Variants in TRPM3 observed in about 807,000 individuals in gnomAD.
TRPM3 encodes long transient receptor potential channel 3.
In TRPM3, 77 loss-of-function variants were observed where a neutral mutation model predicts 181.2. The observed-to-expected ratio is 0.42, with a 90% CI of 0.35 to 0.51. TRPM3 has a LOEUF of 0.51. Among genes scored for constraint, TRPM3 ranks in the 20% least tolerant of loss-of-function variants. TRPM3 has a pLI of 0.01. For missense variants in TRPM3, 1,759 were observed against 2,196.7 expected, an observed-to-expected ratio of 0.80 and a Z score of 3.98; for synonymous variants, 745 against 796.4, an observed-to-expected ratio of 0.94 and a Z score of 1.09.
intron 9 of TRPM3, among the ~76,000 whole-genome samples, chr9:70,649,191 A>ATTTT (rs2059295399): frequency 8.7e-6 from 1 of 114,294 alleles, no homozygotes; most frequent in African/African-American, 3.9e-5. Flanking sequence ...ATGAACAGAC[A>ATTTT]CTTTTTTTTT....
chr9:70,993,471 A>T (rs891589835), intron 1 of TRPM3, among the ~76,000 whole-genome samples: 2 of 152,186 alleles, frequency 1.3e-5, no homozygotes, highest in Non-Finnish European at 2.9e-5. Context: ...TTAGCATTGG[A>T]TGATCCTCCT....
At chr9:70,608,410 G>A (rs1040189824) in intron 19 of TRPM3, among the ~76,000 whole-genome samples, 4 of 151,764 alleles carry the variant, frequency 2.6e-5, no homozygotes, top group Admixed American at 6.6e-5. Flanking sequence ...TTCTCAGTTC[G>A]CAGGCCACAA....
At chr9:70,869,104 A>C in intron 1 of TRPM3, 2 of 933,366 alleles carry the variant, frequency 2.1e-6, no homozygotes, top group Non-Finnish European at 2.6e-6. Context: ...CGCCCACTGG[A>C]AAAAAAAAGT....
intron 7 of TRPM3, among the ~76,000 whole-genome samples, chr9:70,777,640 C>T (rs548213990): frequency 6.6e-6 from 1 of 150,448 alleles, no homozygotes; most frequent in African/African-American, 2.4e-5. Flanking sequence ...TCTCCATTTA[C>T]TCCAACCTAT....
At chr9:70,652,832 T>G (rs2059760844) in intron 9 of TRPM3, among the ~76,000 whole-genome samples, 1 of 151,788 alleles carries the variant, frequency 6.6e-6, no homozygotes. Flanking sequence ...TCTTCAGGAG[T>G]GTGGAAAGCT....
At chr9:70,662,375 T>C (rs2061253888) in intron 9 of TRPM3, among the ~76,000 whole-genome samples, 1 of 152,144 alleles carries the variant, frequency 6.6e-6, no homozygotes, top group Non-Finnish European at 1.5e-5. Flanking sequence ...AAAGAATTCA[T>C]AATTAAGTAC....
At chr9:70,980,606 A>G (rs573744975) in intron 1 of TRPM3, among the ~76,000 whole-genome samples, 5 of 152,218 alleles carry the variant, frequency 3.3e-5, no homozygotes, top group Non-Finnish European at 5.9e-5. Context: ...TCTCTACCCA[A>G]TCTGACTGAT....
At chr9:71,040,462 T>G (rs1218104775) in intron 1 of TRPM3, among the ~76,000 whole-genome samples, 1 of 152,134 alleles carries the variant, frequency 6.6e-6, no homozygotes. Context: ...ATATAAAACA[T>G]TTTACTTTCA....
intron 1 of TRPM3, among the ~76,000 whole-genome samples, chr9:71,014,902 G>C (rs2097772250): frequency 6.6e-6 from 1 of 151,944 alleles, no homozygotes; most frequent in Admixed American, 6.6e-5. Flanking sequence ...TTGGTAATTT[G>C]ATGATTTACT....
chr9:71,103,089 T>C (rs2068705931), intron 1 of TRPM3, among the ~76,000 whole-genome samples: 1 of 152,174 alleles, frequency 6.6e-6, no homozygotes, highest in Non-Finnish European at 1.5e-5. Flanking sequence ...TCTCAAATCC[T>C]TTTTGGCATA....
At chr9:70,850,026 C>T (rs1363357197) in intron 3 of TRPM3, among the ~76,000 whole-genome samples, 1 of 152,104 alleles carries the variant, frequency 6.6e-6, no homozygotes, top group Non-Finnish European at 1.5e-5. Context: ...GTTTCCTGAA[C>T]ATATATATGC....
At chr9:71,064,477 A>G (rs2061678746) in intron 1 of TRPM3, among the ~76,000 whole-genome samples, 1 of 151,806 alleles carries the variant, frequency 6.6e-6, no homozygotes. Flanking sequence ...GTAGACCAGT[A>G]GACTATCAAG....
intron 1 of TRPM3, among the ~76,000 whole-genome samples, chr9:71,246,312 T>C (rs1008623215): frequency 6.6e-6 from 1 of 152,240 alleles, no homozygotes; most frequent in African/African-American, 2.4e-5. Context: ...AGAAAAGGCA[T>C]GTATGCCAAG....
chr9:70,868,735 T>C (rs1342451012), intron 1 of TRPM3, among the ~76,000 whole-genome samples: 1 of 151,946 alleles, frequency 6.6e-6, no homozygotes, highest in Non-Finnish European at 1.5e-5. Flanking sequence ...GGAAAAAGGG[T>C]CCACTAACTT....
chr9:71,393,561 C>T (rs561088453), intron 1 of TRPM3, among the ~76,000 whole-genome samples: 4 of 152,314 alleles, frequency 2.6e-5, no homozygotes, highest in African/African-American at 9.6e-5. Flanking sequence ...TCTTTGGATA[C>T]TTTCCCATTG....
At chr9:70,539,995 C>A (rs2042861778) in intron 25 of TRPM3, among the ~76,000 whole-genome samples, 1 of 152,118 alleles carries the variant, frequency 6.6e-6, no homozygotes, top group South Asian at 2.1e-4. Context: ...CCACCATGCC[C>A]AGCTAATTTT....
intron 1 of TRPM3, among the ~76,000 whole-genome samples, chr9:71,110,101 C>T (rs948740667): frequency 6.6e-6 from 1 of 152,126 alleles, no homozygotes; most frequent in South Asian, 2.1e-4. Context: ...CCACACACTG[C>T]TCCCCAATAA....
At position 70,559,453 on chromosome 9, in the gene TRPM3, G is replaced by T. The variant is rs149865783; in HGVS notation, c.3224-6143C>A. Among the ~76,000 whole-genome samples, 12 of 152,272 alleles carry T rather than the reference G, an allele frequency of 7.9e-5. No individual in the cohort carries two copies. The East Asian group carries it at 2.3e-3, about 29-fold the overall frequency. ...TTTTTGGTTTTTGGTAATTGCCAAGGTTAAAGCAATAGGTCTGGTCTTTGA... is the reference window on the plus strand; with the variant it reads ...TTTTTGGTTTTTGGTAATTGCCAAGTTTAAAGCAATAGGTCTGGTCTTTGA... On this transcript the variant is annotated intron_variant, in intron 22 of 25. Coordinates refer to ENST00000677713, the MANE Select transcript of TRPM3 (RefSeq NM_001366145.2).
intron 9 of TRPM3, among the ~76,000 whole-genome samples, chr9:70,668,268 C>A (rs950055027): frequency 2.0e-5 from 3 of 152,172 alleles, no homozygotes; most frequent in African/African-American, 7.2e-5. Context: ...AGATACTTAG[C>A]CTCTCCATAC....
Sources: gnomAD v4.1 joint callset for allele counts (sites outside exome capture counted in the v4.1 genomes callset) on GRCh38, gnomAD v4.1.1 for gene constraint, MANE v1.5 for transcripts, NCBI Gene and HGNC (gene_info 2026-07-23, HGNC 2026-07-21) for gene names.